The following PCCB variants were observed in gnomAD, a reference collection of about 807,000 sequenced individuals.
PCCB encodes the protein propionyl-CoA carboxylase subunit beta.
In PCCB, 43 loss-of-function variants were observed where a neutral mutation model predicts 60.7. That is an observed-to-expected ratio of 0.71 (90% CI 0.55 to 0.91). The LOEUF is 0.91. Among genes scored for constraint, PCCB ranks in the 40% least tolerant of loss-of-function variants. The pLI, the probability that PCCB is intolerant of heterozygous loss-of-function variation, is 0.00. For missense variants in PCCB, 766 were observed against 702.8 expected, an observed-to-expected ratio of 1.09 and a Z score of -1.02; for synonymous variants, 276 against 255.9, an observed-to-expected ratio of 1.08 and a Z score of -0.75.
chr3:136,293,121 T>C (rs1933773500), intron 6 of PCCB, among the ~76,000 whole-genome samples: 1 of 152,124 alleles, frequency 6.6e-6, no homozygotes. Context: ...CCCGCCTCAC[T>C]CTCCTGAATA....
chr3:136,270,099 CT>C (rs1177812727), intron 5 of PCCB, among the ~76,000 whole-genome samples: 3 of 149,612 alleles, frequency 2.0e-5, no homozygotes, highest in African/African-American at 7.4e-5. Context: ...TTGTCAAATG[CT>C]TTTTTCTGCA....
rs2108211159 is a variant in PCCB, at chr3:136,303,120, T to A, written c.966+2009T>A. ...GAATAAAATTTTATCTTTCCAGTTA[T>A]TTTACATGTCATTTCTTTCCTTGTC... On this transcript the variant is annotated intron_variant, in intron 9 of 14. Transcript: ENST00000251654. Among the ~76,000 whole-genome samples, 2 of 122,834 alleles carry A rather than the reference T, an allele frequency of 1.6e-5. 1 individual carries two copies. The highest frequency in any genetic ancestry group is 3.6e-5 in the Non-Finnish European group (2 of 54,984). 80.6% of individuals were successfully genotyped at this position (122,834 alleles called of 152,430 possible).
At chr3:136,275,319 T>G (rs1942309905) in intron 5 of PCCB, among the ~76,000 whole-genome samples, 1 of 152,266 alleles carries the variant, frequency 6.6e-6, no homozygotes, top group African/African-American at 2.4e-5. Flanking sequence ...AAATTTTTCC[T>G]TCATATTCTG....
At position 136,327,934 on chromosome 3, in the gene PCCB, C is replaced by T. The variant is rs561422074; in HGVS notation, c.1398+202C>T. On this transcript the variant is annotated intron_variant, in intron 13 of 14. Transcript: ENST00000251654. ...TGCCTCCTGTCCTATACCCTTTCTT[C>T]AGGCCCACGCTGGTGTCTTCATGCC... Among the ~76,000 whole-genome samples the T allele has an allele frequency of 1.1e-4, 16 of 152,290 alleles. No homozygotes were observed. In the East Asian group the frequency reaches 3.1e-3, roughly 29 times the overall value.
intron 13 of PCCB, 98 bp downstream of exon 13, chr3:136,327,830 C>T (rs564545026): frequency 8.1e-6 from 8 of 983,620 alleles, no homozygotes; most frequent in African/African-American, 3.2e-5. Flanking sequence ...GAGGCCAGGG[C>T]CCCTAGGTTG....
intron 5 of PCCB, among the ~76,000 whole-genome samples, chr3:136,264,440 G>GTGTATATGTATATATATATATA: frequency 2.4e-5 from 3 of 123,782 alleles, no homozygotes; most frequent in African/African-American, 9.1e-5. Flanking sequence ...ATGTGTGTGT[G>GTGTATATGTATATATATATATA]TATATATGTA....
intron 5 of PCCB, among the ~76,000 whole-genome samples, chr3:136,273,590 CTTTTTTCTTT>C (rs1231302932): frequency 0.017 from 1,141 of 65,556 alleles, 15 homozygotes; most frequent in East Asian, 0.064. Flanking sequence ...TTTTTTTTTT[CTTTTTTCTTT>C]TTTTTTTTTT....
chr3:136,261,027 G>A (rs576634505), intron 4 of PCCB, among the ~76,000 whole-genome samples: 7 of 152,072 alleles, frequency 4.6e-5, no homozygotes, highest in Admixed American at 3.3e-4. Context: ...AAATGTTAAC[G>A]ATCAGCTAGC....
At chr3:136,270,274 C>A (rs1576414248) in intron 5 of PCCB, among the ~76,000 whole-genome samples, 1 of 152,088 alleles carries the variant, frequency 6.6e-6, no homozygotes, top group African/African-American at 2.4e-5. Context: ...CCAGTATTTC[C>A]TTGAGTACTT....
chr3:136,262,036 T>A lies in PCCB; in HGVS notation c.514T>A (p.Ser172Thr). The change falls in exon 5 of 15, where the codon TCT becomes ACT. Residue 172 changes from serine to threonine, a missense_variant. Physicochemically the swap from Ser to Thr is moderately conservative, Grantham distance 58. Coordinates refer to ENST00000251654, the MANE Select transcript of PCCB (RefSeq NM_000532.5). ...GGARIQEGVE[S>T]LAGYADIFLR... ...AGCACGGATCCAAGAAGGAGTGGAG[T>A]CTTTGGCTGGCTATGCAGACATCTT... 6.4e-7 allele frequency: 1 copy of A among 1,556,524 alleles called. No homozygotes were observed. Among genetic ancestry groups the A allele is most frequent in the Non-Finnish European group, 8.7e-7 (1 of 1,148,938 alleles).
intron 6 of PCCB, among the ~76,000 whole-genome samples, chr3:136,293,467 A>G (rs906660925): frequency 6.6e-6 from 1 of 152,224 alleles, no homozygotes; most frequent in Non-Finnish European, 1.5e-5. Flanking sequence ...GCAAGCTCTG[A>G]GTAAGAGCCA....
intron 5 of PCCB, among the ~76,000 whole-genome samples, chr3:136,273,590 C>CTTTTTTGTTTTTTTT (rs1942257481): frequency 1.5e-5 from 1 of 65,638 alleles, no homozygotes; most frequent in African/African-American, 6.0e-5. Flanking sequence ...TTTTTTTTTT[C>CTTTTTTGTTTTTTTT]TTTTTTCTTT....
At chr3:136,275,899 T>G (rs1659902947) in intron 5 of PCCB, among the ~76,000 whole-genome samples, 1 of 152,120 alleles carries the variant, frequency 6.6e-6, no homozygotes, top group Admixed American at 6.5e-5. Context: ...GCTTCCCGAG[T>G]AGCTGGGACT....
At chr3:136,295,146 G>A (rs1933874956) in intron 7 of PCCB, among the ~76,000 whole-genome samples, 3 of 152,166 alleles carry the variant, frequency 2.0e-5, no homozygotes, top group South Asian at 4.1e-4. Flanking sequence ...CTACCACACA[G>A]CAATGTAACT....
chr3:136,317,189 C>A (rs4317048), intron 10 of PCCB, 125 bp downstream of exon 10: 121 of 461,450 alleles, frequency 2.6e-4, no homozygotes, highest in Non-Finnish European at 3.8e-4. Flanking sequence ...AGGAAAAAAT[C>A]TAAATGGTTG....
At chr3:136,271,980 C>T (rs574475350) in intron 5 of PCCB, among the ~76,000 whole-genome samples, 11 of 152,204 alleles carry the variant, frequency 7.2e-5, no homozygotes, top group Non-Finnish European at 1.5e-4. Flanking sequence ...CCATTCATTA[C>T]GATGTTGGCT....
intron 5 of PCCB, among the ~76,000 whole-genome samples, chr3:136,262,773 C>G (rs575701809): frequency 5.8e-4 from 88 of 152,228 alleles, no homozygotes; most frequent in Middle Eastern, 3.4e-3. Context: ...TCTTATCATC[C>G]CTGCTCTGCA....
At chr3:136,259,296 C>T (rs149214417) in intron 3 of PCCB, 4 of 477,148 alleles carry the variant, frequency 8.4e-6, no homozygotes, top group Non-Finnish European at 1.0e-5. Flanking sequence ...GCAAAACTGT[C>T]TCTAATAAAA....
intron 5 of PCCB, among the ~76,000 whole-genome samples, chr3:136,276,120 A>G (rs1199358961): frequency 2.6e-5 from 4 of 152,118 alleles, no homozygotes; most frequent in Non-Finnish European, 5.9e-5. Flanking sequence ...ACTGTCTCCT[A>G]TGGGGTTGAG....
Sources: gnomAD v4.1 joint callset for allele counts (sites outside exome capture counted in the v4.1 genomes callset) on GRCh38, gnomAD v4.1.1 for gene constraint, MANE v1.5 for transcripts, NCBI Gene and HGNC (gene_info 2026-07-23, HGNC 2026-07-21) for gene names.